The following SYNE1 variants were observed in gnomAD, a reference collection of about 807,000 sequenced individuals.
SYNE1 encodes nesprin-1.
A neutral mutation model predicts 1,111.0 loss-of-function variants in SYNE1; 616 were observed. The ratio of observed to expected loss-of-function variants is 0.55; its 90% CI spans 0.52 to 0.59. The LOEUF (loss-of-function observed/expected upper bound fraction) is 0.59, where lower values mean the gene tolerates loss of function less well. Ranked by LOEUF, SYNE1 falls within the 20% of genes least tolerant of loss-of-function variation. The pLI is 0.00. For missense variants in SYNE1, 10,006 were observed against 10,417.0 expected (o/e 0.96, Z 1.72); for synonymous variants, 3,855 against 3,825.8 (o/e 1.01, Z -0.28).
chr6:152,329,734 C>G lies in SYNE1; in HGVS notation c.14951G>C (p.Arg4984Thr), dbSNP rs762212036. 45 of 1,614,036 alleles carry G rather than the reference C, an allele frequency of 2.8e-5. No homozygotes were observed. The highest frequency in any genetic ancestry group is 3.6e-5 in the Non-Finnish European group (42 of 1,180,034). Residue 4984 changes from arginine to threonine, a missense_variant, in exon 78 of 146, where the codon AGA becomes ACA. Transcript: ENST00000367255. Reference protein sequence around the residue: ...DGDIQEALRTRQATLTEIYSQ... With the variant: ...DGDIQEALRTTQATLTEIYSQ... The stretch of plus-strand genomic sequence containing the variant: ...GTGAAGTCCTATTATACCCACCTGT[C>G]TGGTGCGTAAGGCTTCCTGGATGTC...
chr6:152,463,862 A>G (rs2098748893), intron 18 of SYNE1, among the ~76,000 whole-genome samples: 1 of 152,200 alleles, frequency 6.6e-6, no homozygotes, highest in Admixed American at 6.6e-5. Context: ...CCAGTGCCAG[A>G]GTCATATAAA....
intron 49 of SYNE1, 141 bp downstream of exon 49, chr6:152,398,478 T>C (rs1347553615): frequency 2.7e-6 from 2 of 730,890 alleles, no homozygotes; most frequent in Non-Finnish European, 4.9e-6. Context: ...TCTATTTCCT[T>C]CTGACTCAAT....
intron 93 of SYNE1, among the ~76,000 whole-genome samples, chr6:152,298,285 C>T (rs1159760147): frequency 1.3e-5 from 2 of 152,188 alleles, no homozygotes; most frequent in African/African-American, 4.8e-5. Flanking sequence ...GAGCTTTTAA[C>T]TTGAAGGCCA....
chr6:152,330,475 T>C lies in SYNE1; in HGVS notation c.14210A>G (p.Lys4737Arg). 6.2e-7 allele frequency: 1 copy of C among 1,614,128 alleles called. No individual in the cohort carries two copies. The highest frequency in any genetic ancestry group is 8.5e-7 in the Non-Finnish European group (1 of 1,180,026). The part of the protein sequence containing the change: ...GEAVDELNQK[K>R]EGFRSTGQPW... ...CTGACCTGTGCTGCGAAAACCTTCT[T>C]TTTTCTGGTTCAGTTCATCCACCGC... Residue 4737 changes from lysine to arginine, a missense_variant, in exon 78 of 146, where the codon AAA (lysine) becomes AGA (arginine). Coordinates refer to ENST00000367255, the MANE Select transcript of SYNE1 (RefSeq NM_182961.4).
intron 3 of SYNE1, among the ~76,000 whole-genome samples, chr6:152,549,642 C>T (rs1564793133): frequency 2.0e-5 from 3 of 152,174 alleles, no homozygotes; most frequent in South Asian, 4.2e-4. Flanking sequence ...TGGATTGATG[C>T]GAAGGGACAG....
chr6:152,588,348 T>C (rs1444350746), intron 3 of SYNE1, among the ~76,000 whole-genome samples: 1 of 152,238 alleles, frequency 6.6e-6, no homozygotes, highest in Non-Finnish European at 1.5e-5. Context: ...TACACCGTGC[T>C]GGGCTAAATA....
At chr6:152,468,640 T>C (rs1007544697) in intron 16 of SYNE1, among the ~76,000 whole-genome samples, 2 of 152,220 alleles carry the variant, frequency 1.3e-5, no homozygotes, top group African/African-American at 4.8e-5. Context: ...AAAAGTATTC[T>C]TTCTTTTTTG....
intron 3 of SYNE1, among the ~76,000 whole-genome samples, chr6:152,568,329 C>A (rs560659324): frequency 9.3e-6 from 1 of 107,396 alleles, no homozygotes; most frequent in African/African-American, 3.7e-5. Flanking sequence ...TAGCATCTCT[C>A]GCTCTTTTGC....
At chr6:152,195,478 T>G (rs2073859253) in intron 127 of SYNE1, among the ~76,000 whole-genome samples, 1 of 152,124 alleles carries the variant, frequency 6.6e-6, no homozygotes, top group Middle Eastern at 3.2e-3. Context: ...AGTTGTGACC[T>G]AAGTTTTTAG....
At chr6:152,199,254 T>TCC (rs1215012234) in intron 127 of SYNE1, among the ~76,000 whole-genome samples, 2 of 152,340 alleles carry the variant, frequency 1.3e-5, no homozygotes, top group African/African-American at 4.8e-5. Flanking sequence ...CATAAACCTC[T>TCC]AACTTATCCT....
intron 3 of SYNE1, among the ~76,000 whole-genome samples, chr6:152,578,861 A>T (rs1026469141): frequency 1.3e-5 from 2 of 152,048 alleles, no homozygotes; most frequent in Non-Finnish European, 2.9e-5. Context: ...TTTTTTTAAC[A>T]GTAAGAGCCA....
At chr6:152,459,760 T>C (rs1370878452) in intron 21 of SYNE1, among the ~76,000 whole-genome samples, 2 of 152,208 alleles carry the variant, frequency 1.3e-5, no homozygotes, top group Non-Finnish European at 2.9e-5. Flanking sequence ...TATTTGTTAG[T>C]AAGCCATTCT....
At chr6:152,376,948 T>G (rs2097291946) in intron 56 of SYNE1, 36 bp from the exon 57 acceptor site, 1 of 1,611,152 alleles carries the variant, frequency 6.2e-7, no homozygotes, top group South Asian at 1.1e-5. Flanking sequence ...AGCGAGCACT[T>G]ACATTGGGTG....
At chr6:152,539,875 G>T in intron 4 of SYNE1, 85 bp downstream of exon 4, 1 of 1,397,608 alleles carries the variant, frequency 7.2e-7, no homozygotes. Context: ...TGACAACAGG[G>T]ACAGAAGCAT....
chr6:152,586,542 A>T (rs1322515), intron 3 of SYNE1, among the ~76,000 whole-genome samples: 1 of 145,546 alleles, frequency 6.9e-6, no homozygotes, highest in African/African-American at 2.8e-5. Flanking sequence ...ACTTCTAATT[A>T]TTTTTGTTAT....
intron 130 of SYNE1, among the ~76,000 whole-genome samples, chr6:152,174,557 G>A (rs967186250): frequency 1.1e-4 from 17 of 152,152 alleles, no homozygotes; most frequent in African/African-American, 3.4e-4. Flanking sequence ...ACAAAGAACT[G>A]AGAAATTAGA....
chr6:152,583,052 A>C (rs192042246), intron 3 of SYNE1, among the ~76,000 whole-genome samples: 1 of 152,328 alleles, frequency 6.6e-6, no homozygotes, highest in East Asian at 1.9e-4. Context: ...AAGTGTTATA[A>C]ATCTTATACA....
chr6:152,506,840 G>A (rs1263087118), intron 8 of SYNE1, among the ~76,000 whole-genome samples: 1 of 152,138 alleles, frequency 6.6e-6, no homozygotes, highest in Non-Finnish European at 1.5e-5. Flanking sequence ...GCCCCCCAAA[G>A]TGCTGGGATT....
rs760451139 is a variant in SYNE1 at position 152,224,514 on chromosome 6, C to T, written c.21502G>A (p.Val7168Ile). 112 of 1,613,854 alleles carry T rather than the reference C, an allele frequency of 6.9e-5. No individual in the cohort carries two copies. Among genetic ancestry groups the T allele is most frequent in the Non-Finnish European group, 8.8e-5 (104 of 1,179,922 alleles). ...CTTACCTGAAGATTGTCCACCTGAA[C>T]TTGCACAGCTTCTAAGGAGCCAGTC... ...LLTGSLEAVQ[V>I]QVDNLQNLQD... is the part of the protein sequence containing the mutation. The change falls in exon 117 of 146, where the codon GTT becomes ATT. Residue 7168 changes from valine (V) to isoleucine (I), a missense_variant. Val to Ile is a conservative substitution (Grantham distance 29, BLOSUM62 3). Coordinates refer to ENST00000367255, the MANE Select transcript of SYNE1 (RefSeq NM_182961.4).
Sources: allele counts gnomAD v4.1 joint callset (sites outside exome capture counted in the v4.1 genomes callset), GRCh38; gene constraint gnomAD v4.1.1; transcripts MANE v1.5; gene names NCBI Gene and HGNC (gene_info 2026-07-23, HGNC 2026-07-21).